Variants in VAV2 observed in about 807,000 individuals in gnomAD.
VAV2 encodes the protein guanine nucleotide exchange factor VAV2.
A neutral mutation model predicts 132.5 loss-of-function variants in VAV2; 67 were observed. The observed-to-expected ratio is 0.51, with a 90% CI of 0.42 to 0.62. The LOEUF (loss-of-function observed/expected upper bound fraction) is 0.62, where lower values mean the gene tolerates loss of function less well. VAV2 is among the 20% of genes least tolerant of loss of function. The pLI is 0.00. For missense variants in VAV2, 938 were observed against 1,153.6 expected (o/e 0.81, Z 2.71); for synonymous variants, 492 against 443.5 (o/e 1.11, Z -1.37).
chr9:133,809,545 C>T (rs569968292), intron 6 of VAV2, among the ~76,000 whole-genome samples: 25 of 152,346 alleles, frequency 1.6e-4, no homozygotes, highest in South Asian at 1.0e-3. Context: ...GTCCTCTCTA[C>T]GTGGCAGACT....
intron 17 of VAV2, among the ~76,000 whole-genome samples, chr9:133,784,939 C>T (rs985016766): frequency 2.6e-5 from 4 of 152,200 alleles, no homozygotes; most frequent in Admixed American, 6.5e-5. Context: ...ACCATCACGT[C>T]GCTTCAGCTT....
chr9:133,796,613 C>T, intron 10 of VAV2, 89 bp from the exon 11 acceptor site: 1 of 1,221,988 alleles, frequency 8.2e-7, no homozygotes, highest in South Asian at 1.4e-5. Flanking sequence ...GAGGGGAGAC[C>T]TAAGCCCAGA....
At chr9:133,790,154 C>G (rs973466410) in intron 13 of VAV2, among the ~76,000 whole-genome samples, 1 of 152,160 alleles carries the variant, frequency 6.6e-6, no homozygotes, top group Admixed American at 6.5e-5. Context: ...GGATGCTCGA[C>G]GCCTGCTGGC....
chr9:133,939,108 CAA>C lies in VAV2; in HGVS notation c.314_315del (p.Phe105TrpfsTer33). 6.2e-7 allele frequency: 1 copy of C among 1,614,134 alleles called. No individual in the cohort carries two copies. Among genetic ancestry groups the C allele is most frequent in the Non-Finnish European group, 8.5e-7 (1 of 1,179,964 alleles). ...TGGAGAGAGTGACTGCTCACCTTTC[CAA>C]AGTCTCGCACATCGAAGAGGTCAAA... ...DPFDLFDVRD[F>X]GKVISAVSRL... On this transcript the variant is annotated frameshift_variant, in exon 2 of 30. Coordinates refer to ENST00000371850, the MANE Select transcript of VAV2 (RefSeq NM_001134398.2). LOFTEE classifies it high-confidence loss of function.
In VAV2 at chr9:133,968,778, G is replaced by A. The variant is rs79035929; in HGVS notation, c.204+23297C>T. Among the ~76,000 whole-genome samples, 1,103 of 152,284 alleles carry A rather than the reference G, an allele frequency of 7.2e-3. 34 individuals are homozygous for A. The highest frequency in any genetic ancestry group is 0.065 in the East Asian group (334 of 5,176). ...CCTGGGCTCACTCCTGGGACCTGCC[G>A]GGGTAGGGCCCTGTCCCCAGCTCAG... On this transcript the variant is annotated intron_variant, in intron 1 of 29. Transcript: ENST00000371850.
chr9:133,775,532 G>A (rs552295323), intron 24 of VAV2, among the ~76,000 whole-genome samples: 29 of 152,236 alleles, frequency 1.9e-4, no homozygotes, highest in Admixed American at 7.8e-4. Context: ...ATTTTGAAAC[G>A]AAGCTCTTCC....
At chr9:133,990,705 G>A (rs977632795) in intron 1 of VAV2, among the ~76,000 whole-genome samples, 4 of 152,216 alleles carry the variant, frequency 2.6e-5, no homozygotes, top group Admixed American at 2.0e-4. Flanking sequence ...ATAAAATGGA[G>A]TCCAGACTTC....
chr9:133,973,678 A>G (rs1390764975), intron 1 of VAV2, among the ~76,000 whole-genome samples: 1 of 152,188 alleles, frequency 6.6e-6, no homozygotes, highest in Non-Finnish European at 1.5e-5. Context: ...GTGGCAGGTG[A>G]GGAACCCTAG....
chr9:133,928,422 G>A lies in VAV2; in HGVS notation c.321+10681C>T, dbSNP rs558169435. The stretch of plus-strand genomic sequence containing the variant: ...TGAGGCAGCTCCCCACCCCAGCGAG[G>A]AGCGACTGCATTTTAATAAGTAATT... On this transcript the variant is annotated intron_variant, in intron 2 of 29. Transcript: ENST00000371850. The surrounding 1 kb of genome is among the most constrained non-coding windows in gnomAD (Gnocchi z 5.4). 2.4e-4 allele frequency among the ~76,000 whole-genome samples: 36 copies of A among 152,322 alleles called. No individual in the cohort carries two copies. Among genetic ancestry groups the A allele is most frequent in the African/African-American group, 8.7e-4 (36 of 41,568 alleles).
chr9:133,970,020 G>A (rs1285489573), intron 1 of VAV2, among the ~76,000 whole-genome samples: 1 of 152,062 alleles, frequency 6.6e-6, no homozygotes, highest in Non-Finnish European at 1.5e-5. Context: ...AGACGTGCAG[G>A]GTGGTCTGCA....
chr9:133,937,343 G>A (rs142381497), intron 2 of VAV2, among the ~76,000 whole-genome samples: 49 of 151,950 alleles, frequency 3.2e-4, no homozygotes, highest in Middle Eastern at 3.4e-3. Flanking sequence ...CATGGAAGAC[G>A]GGTTCAAGTG....
intron 1 of VAV2, among the ~76,000 whole-genome samples, chr9:133,985,932 A>G (rs1842844612): frequency 6.6e-6 from 1 of 152,128 alleles, no homozygotes; most frequent in South Asian, 2.1e-4. Context: ...GCAGCAAGGG[A>G]CAGAATGAGG....
At chr9:133,976,075 T>C (rs576607132) in intron 1 of VAV2, among the ~76,000 whole-genome samples, 6 of 151,044 alleles carry the variant, frequency 4.0e-5, no homozygotes, top group South Asian at 4.2e-4. Flanking sequence ...GGCGTGGTGG[T>C]GGGCACCTGT....
chr9:133,846,691 C>T (rs12340990), intron 3 of VAV2, among the ~76,000 whole-genome samples: 16 of 152,224 alleles, frequency 1.1e-4, no homozygotes, highest in African/African-American at 3.1e-4. Context: ...CTCAGTGAGG[C>T]GCACAGACCA....
In VAV2 at chr9:133,863,793, C is replaced by A. The variant is rs146049457; in HGVS notation, c.322-2361G>T. Among the ~76,000 whole-genome samples the A allele has an allele frequency of 2.0e-5, 3 of 152,334 alleles. No individual in the cohort carries two copies. In the South Asian group the frequency reaches 6.2e-4, roughly 32 times the overall value. The stretch of plus-strand genomic sequence containing the variant: ...GAAGTCCACCACGGGGAACCACACT[C>A]CAGTGACCCAAAACCCAGGGCAGGG... On this transcript the variant is annotated intron_variant, in intron 2 of 29. Coordinates refer to ENST00000371850, the MANE Select transcript of VAV2 (RefSeq NM_001134398.2). The surrounding 1 kb of genome is among the most constrained non-coding windows in gnomAD (Gnocchi z 5.0).
At chr9:133,967,421 G>C (rs181388439) in intron 1 of VAV2, among the ~76,000 whole-genome samples, 49 of 152,262 alleles carry the variant, frequency 3.2e-4, no homozygotes, top group African/African-American at 1.2e-3. Flanking sequence ...ACAAAAGAAA[G>C]GAAATCAGTG....
At chr9:133,937,527 A>T (rs13292473) in intron 2 of VAV2, among the ~76,000 whole-genome samples, 5 of 110,606 alleles carry the variant, frequency 4.5e-5, no homozygotes, top group South Asian at 3.1e-4. Flanking sequence ...CGCGTGTGAG[A>T]GTGTGTGTGA....
At chr9:133,766,967 C>G (rs138722316) in intron 29 of VAV2, among the ~76,000 whole-genome samples, 12 of 151,670 alleles carry the variant, frequency 7.9e-5, no homozygotes, top group African/African-American at 2.9e-4. Flanking sequence ...AACCTCTAGT[C>G]TAAGGTTACC....
At position 133,768,508 on chromosome 9, in the gene VAV2, G is replaced by A. The variant is rs764709519; in HGVS notation, c.2523C>T (p.Asp841=). 1.4e-5 allele frequency: 22 copies of A among 1,613,814 alleles called. No homozygotes were observed. Among genetic ancestry groups the A allele is most frequent in the Admixed American group, 1.0e-4 (6 of 59,984 alleles). The change falls in exon 29 of 30, where the codon GAC becomes GAT. Residue 841 remains aspartate, a synonymous_variant. Transcript: ENST00000371850. The surrounding 1 kb of genome is among the most constrained non-coding windows in gnomAD (Gnocchi z 5.3). The part of the protein sequence containing the change: ...DMRELSLREG[D]VVRIYSRIGG... ...CGATGCGGCTGTAGATCCTCACCAC[G>A]TCACCCTCCCGCAGCGAAAGCTCCC...
Sources: allele counts gnomAD v4.1 joint callset (sites outside exome capture counted in the v4.1 genomes callset), GRCh38; gene constraint gnomAD v4.1.1; non-coding constraint Gnocchi (gnomAD v3.1); transcripts MANE v1.5; gene names NCBI Gene and HGNC (gene_info 2026-07-23, HGNC 2026-07-21).